The following ARPC2 variants were observed in gnomAD, a reference collection of about 807,000 sequenced individuals.
ARPC2 encodes actin-related protein 2/3 complex subunit 2.
Under a neutral mutation model 38.6 loss-of-function variants are expected in ARPC2, and 4 were observed. The observed-to-expected ratio is 0.10, with a 90% CI of 0.05 to 0.24. ARPC2 has a LOEUF of 0.24. ARPC2 is among the 10% of genes least tolerant of loss of function. ARPC2 has a pLI of 1.00. For synonymous variants in ARPC2, 125 were observed against 140.8 expected, an observed-to-expected ratio of 0.89 and a Z score of 0.79; for missense variants, 229 against 387.3, an observed-to-expected ratio of 0.59 and a Z score of 3.43.
intron 8 of ARPC2, among the ~76,000 whole-genome samples, chr2:218,248,673 C>G (rs932957870): frequency 1.1e-4 from 16 of 152,212 alleles, no homozygotes; most frequent in African/African-American, 3.9e-4. Flanking sequence ...GTTGGCCAGG[C>G]TGGTCTCAAA....
intron 8 of ARPC2, among the ~76,000 whole-genome samples, chr2:218,246,704 C>T (rs2106158420): frequency 6.6e-6 from 1 of 152,080 alleles, no homozygotes; most frequent in African/African-American, 2.4e-5. Flanking sequence ...GGCACAGTGG[C>T]TCACACCTGT....
intron 8 of ARPC2, among the ~76,000 whole-genome samples, chr2:218,248,267 A>C (rs925407557): frequency 2.6e-5 from 4 of 152,202 alleles, no homozygotes; most frequent in African/African-American, 9.6e-5. Context: ...ATTTACTTTC[A>C]GGCCAGGGCA....
intron 2 of ARPC2, among the ~76,000 whole-genome samples, chr2:218,219,373 T>C (rs1188825750): frequency 3.3e-5 from 5 of 152,006 alleles, no homozygotes; most frequent in African/African-American, 7.2e-5. Context: ...TTTTTTTTTT[T>C]CCGAGACAGA....
chr2:218,230,091 C>A (rs1477958925), intron 4 of ARPC2, among the ~76,000 whole-genome samples: 1 of 151,834 alleles, frequency 6.6e-6, no homozygotes, highest in African/African-American at 2.4e-5. Flanking sequence ...CTGCCTCAGC[C>A]TCCTGAGTAG....
chr2:218,226,455 C>T (rs1053678272), intron 3 of ARPC2, among the ~76,000 whole-genome samples: 3 of 151,430 alleles, frequency 2.0e-5, no homozygotes, highest in African/African-American at 7.3e-5. Context: ...TGATGAAACC[C>T]TGTCTGTACT....
chr2:218,250,449 G>A (rs937037779), intron 10 of ARPC2, among the ~76,000 whole-genome samples: 1 of 152,092 alleles, frequency 6.6e-6, no homozygotes, highest in East Asian at 1.9e-4. Context: ...GGATCACAGG[G>A]TCAGGAGTTC....
intron 4 of ARPC2, chr2:218,233,150 C>T (rs564395544): frequency 2.6e-5 from 4 of 152,104 alleles, no homozygotes; most frequent in African/African-American, 9.6e-5. Flanking sequence ...CAGAGTAAGA[C>T]CCTGCTTCCA....
At chr2:218,244,568 G>C (rs1433749484) in intron 7 of ARPC2, among the ~76,000 whole-genome samples, 4 of 152,244 alleles carry the variant, frequency 2.6e-5, no homozygotes, top group African/African-American at 9.6e-5. Flanking sequence ...ATACATTAAT[G>C]AATGGTAAAA....
At chr2:218,244,202 A>T (rs979738631) in intron 7 of ARPC2, among the ~76,000 whole-genome samples, 1 of 152,200 alleles carries the variant, frequency 6.6e-6, no homozygotes, top group African/African-American at 2.4e-5. Flanking sequence ...AATCTAACCC[A>T]GTTGATGGTC....
At chr2:218,232,680 C>T (rs1328073794) in intron 4 of ARPC2, among the ~76,000 whole-genome samples, 1 of 151,844 alleles carries the variant, frequency 6.6e-6, no homozygotes, top group Admixed American at 6.6e-5. Context: ...CGCCATTCTC[C>T]CGCCTCAGCC....
At chr2:218,222,459 C>T (rs1387153055) in intron 2 of ARPC2, among the ~76,000 whole-genome samples, 6 of 152,092 alleles carry the variant, frequency 3.9e-5, no homozygotes, top group African/African-American at 1.4e-4. Flanking sequence ...TTAAGAATAG[C>T]TCTTAAAACC....
chr2:218,224,680 G>T (rs1689457237), intron 2 of ARPC2, among the ~76,000 whole-genome samples: 1 of 89,032 alleles, frequency 1.1e-5, no homozygotes. Context: ...GATACCCAGT[G>T]CGCTTTTCCT....
At chr2:218,238,397 A>G (rs919712492) in intron 5 of ARPC2, among the ~76,000 whole-genome samples, 1 of 152,154 alleles carries the variant, frequency 6.6e-6, no homozygotes, top group Non-Finnish European at 1.5e-5. Flanking sequence ...AACATTAATT[A>G]TATATATTTA....
chr2:218,233,209 C>T (rs893564280), intron 4 of ARPC2: 1 of 151,884 alleles, frequency 6.6e-6, no homozygotes, highest in Admixed American at 6.6e-5. Flanking sequence ...AAAAATTAGC[C>T]AGGCATGGTG....
intron 2 of ARPC2, among the ~76,000 whole-genome samples, chr2:218,223,894 C>T (rs189126682): frequency 3.9e-5 from 6 of 152,236 alleles, no homozygotes; most frequent in African/African-American, 9.6e-5. Context: ...AAATAACAAA[C>T]GCCAGGTCTT....
chr2:218,221,395 T>A (rs1363189891), intron 2 of ARPC2, among the ~76,000 whole-genome samples: 1 of 152,220 alleles, frequency 6.6e-6, no homozygotes, highest in East Asian at 1.9e-4. Flanking sequence ...TTGGAGTGAT[T>A]TGGAATTAGG....
At chr2:218,224,886 T>A (rs1280724179) in intron 2 of ARPC2, among the ~76,000 whole-genome samples, 1 of 152,244 alleles carries the variant, frequency 6.6e-6, no homozygotes, top group Non-Finnish European at 1.5e-5. Flanking sequence ...GAGAGCAACT[T>A]AGTCTTCGTT....
chr2:218,235,621 C>A (rs555495692), intron 5 of ARPC2: 1 of 152,242 alleles, frequency 6.6e-6, no homozygotes, highest in East Asian at 1.9e-4. Flanking sequence ...ACAAACAGAT[C>A]TAGAACAGAA....
chr2:218,223,515 C>T (rs1169531296), intron 2 of ARPC2, among the ~76,000 whole-genome samples: 1 of 152,176 alleles, frequency 6.6e-6, no homozygotes, highest in Non-Finnish European at 1.5e-5. Flanking sequence ...CAGTTCAGTG[C>T]TATCCACACT....
Sources: gnomAD v4.1 joint callset for allele counts (sites outside exome capture counted in the v4.1 genomes callset) on GRCh38, gnomAD v4.1.1 for gene constraint, MANE v1.5 for transcripts, NCBI Gene and HGNC (gene_info 2026-07-23, HGNC 2026-07-21) for gene names.